The following PRKCH variants were observed in gnomAD, a reference collection of about 807,000 sequenced individuals.
PRKCH encodes protein kinase C eta type.
A neutral mutation model predicts 82.5 loss-of-function variants in PRKCH; 28 were observed. That is an observed-to-expected ratio of 0.34 (90% CI 0.25 to 0.47). The LOEUF (loss-of-function observed/expected upper bound fraction) is 0.47. Among genes scored for constraint, PRKCH ranks in the 20% least tolerant of loss-of-function variants. PRKCH has a pLI of 1.00. For synonymous variants in PRKCH, 322 were observed against 327.4 expected (o/e 0.98, Z 0.18); for missense variants, 705 against 881.8 (o/e 0.80, Z 2.54).
At chr14:61,470,335 G>T (rs1329765957) in intron 9 of PRKCH, among the ~76,000 whole-genome samples, 1 of 64,904 alleles carries the variant, frequency 1.5e-5, no homozygotes, top group African/African-American at 1.3e-4. Flanking sequence ...CCACTTGCAC[G>T]ATCTTTCTCA....
intron 10 of PRKCH, chr14:61,528,102 A>ATGTGTGTG (rs992355553): frequency 6.8e-6 from 1 of 146,504 alleles, no homozygotes; most frequent in African/African-American, 2.5e-5. Context: ...TATCCTGTCC[A>ATGTGTGTG]TGTGTGTGTG....
At chr14:61,249,444 C>T (rs961543156) in intron 1 of PRKCH, among the ~76,000 whole-genome samples, 22 of 147,440 alleles carry the variant, frequency 1.5e-4, no homozygotes, top group African/African-American at 5.5e-4. Context: ...CTTAAAAAAA[C>T]ATTGGAGTCA....
At chr14:61,289,014 G>A (rs1041359194) in intron 1 of PRKCH, among the ~76,000 whole-genome samples, 1 of 152,136 alleles carries the variant, frequency 6.6e-6, no homozygotes, top group Non-Finnish European at 1.5e-5. Flanking sequence ...GCTCAGGCAG[G>A]CCATCTTCAG....
intron 1 of PRKCH, among the ~76,000 whole-genome samples, chr14:61,237,523 G>T (rs1232963786): frequency 6.6e-6 from 1 of 152,098 alleles, no homozygotes; most frequent in Non-Finnish European, 1.5e-5. Flanking sequence ...TATTCTCTCT[G>T]AATCCTGTTA....
chr14:61,205,258 C>G (rs1027447302), intron 1 of PRKCH, among the ~76,000 whole-genome samples: 1 of 152,156 alleles, frequency 6.6e-6, no homozygotes, highest in African/African-American at 2.4e-5. Flanking sequence ...TTTAAAGAGC[C>G]CATGGGTTTC....
At chr14:61,474,151 A>G (rs746185112) in intron 9 of PRKCH, among the ~76,000 whole-genome samples, 7 of 152,202 alleles carry the variant, frequency 4.6e-5, no homozygotes, top group Non-Finnish European at 8.8e-5. Flanking sequence ...AAGTGCTGAG[A>G]TGAAGTCAGT....
intron 1 of PRKCH, among the ~76,000 whole-genome samples, chr14:61,310,510 G>C (rs1472260635): frequency 6.6e-6 from 1 of 152,232 alleles, no homozygotes; most frequent in South Asian, 2.1e-4. Flanking sequence ...CTGATACAAA[G>C]AGTGGGCTCC....
At chr14:61,327,157 C>T (rs1346630672) in intron 1 of PRKCH, 1 of 454,966 alleles carries the variant, frequency 2.2e-6, no homozygotes, top group Non-Finnish European at 4.4e-6. Flanking sequence ...CCTGGAGGGC[C>T]TCTTTCTCTC....
Position 61,542,147 on chromosome 14 carries a change from G to A in PRKCH, c.1762-5596G>A, listed in dbSNP as rs556616973. 7.9e-5 allele frequency among the ~76,000 whole-genome samples: 12 copies of A among 152,048 alleles called. No homozygotes were observed. The South Asian group carries it at 8.3e-4, about 11-fold the overall frequency. ...TCTACTAAAAATACAAAAATTAGTC[G>A]GGCGTGGTGGTGCACACCTGTAATC... is the stretch of plus-strand genomic sequence containing the variant. On this transcript the variant is annotated intron_variant, in intron 12 of 13. Coordinates refer to ENST00000332981, the MANE Select transcript of PRKCH (RefSeq NM_006255.5).
chr14:61,388,803 A>C (rs17098290), intron 1 of PRKCH, among the ~76,000 whole-genome samples: 4,682 of 152,266 alleles, frequency 0.031, 204 homozygotes, highest in African/African-American at 0.1. Flanking sequence ...GGATATTGTT[A>C]ACAGTAGTCA....
intron 1 of PRKCH, among the ~76,000 whole-genome samples, chr14:61,352,713 A>AGAAAGAAAG (rs1049557977): frequency 6.6e-6 from 1 of 151,682 alleles, no homozygotes; most frequent in African/African-American, 2.4e-5. Flanking sequence ...AAAGAAAGAA[A>AGAAAGAAAG]GAAAGAAAGA....
rs944122859 is a variant in PRKCH at position 61,426,130 on chromosome 14, T to C, written c.428-16981T>C. ...TGAGAACAGACTAATACAATAACCATGTTCTCTTCTTTCTGGAGATCTCCA... is the reference window on the plus strand; with the variant it reads ...TGAGAACAGACTAATACAATAACCACGTTCTCTTCTTTCTGGAGATCTCCA... On this transcript the variant is annotated intron_variant, in intron 2 of 13. Coordinates refer to ENST00000332981, the MANE Select transcript of PRKCH (RefSeq NM_006255.5). Among the ~76,000 whole-genome samples, 14 of 152,322 alleles carry C rather than the reference T, an allele frequency of 9.2e-5. 2 individuals are homozygous for C. Among genetic ancestry groups the C allele is most frequent in the Admixed American group, 2.0e-4 (3 of 15,300 alleles).
At chr14:61,408,247 T>C (rs1179801223) in intron 2 of PRKCH, among the ~76,000 whole-genome samples, 2 of 152,210 alleles carry the variant, frequency 1.3e-5, no homozygotes, top group Non-Finnish European at 2.9e-5. Flanking sequence ...GTACAGAGTC[T>C]CACTGCTTTG....
At chr14:61,510,469 G>T (rs1887329671) in intron 10 of PRKCH, among the ~76,000 whole-genome samples, 1 of 152,048 alleles carries the variant, frequency 6.6e-6, no homozygotes, top group Non-Finnish European at 1.5e-5. Flanking sequence ...TGATGATGTG[G>T]TTGGGGGACC....
chr14:61,461,057 T>A (rs1885006767), intron 9 of PRKCH, among the ~76,000 whole-genome samples: 1 of 152,110 alleles, frequency 6.6e-6, no homozygotes, highest in Non-Finnish European at 1.5e-5. Flanking sequence ...AGCTAATGGC[T>A]TCGTGGGCCT....
At position 61,547,785 on chromosome 14, in the gene PRKCH, CAG is replaced by C; in HGVS notation, c.1805_1806del (p.Gln602ArgfsTer13). 1 of 1,614,232 alleles carries C rather than the reference CAG, an allele frequency of 6.2e-7. No individual in the cohort carries two copies. Among genetic ancestry groups the C allele is most frequent in the Non-Finnish European group, 8.5e-7 (1 of 1,180,036 alleles). On this transcript the variant is annotated frameshift_variant, in exon 13 of 14. Coordinates refer to ENST00000332981, the MANE Select transcript of PRKCH (RefSeq NM_006255.5). LOFTEE classifies it high-confidence loss of function. ...CACCATGCGCTTGGGCAGCCTGACT[CAG>C]GGAGGCGAGCACGCCATCTTGAGAC... ...NPTMRLGSLT[Q>X]GGEHAILRHP...
rs554977424 is a variant in PRKCH at position 61,540,496 on chromosome 14, G to T, written c.1762-7247G>T. ...ATCCTGACTGTAGCACTCCCAAACT[G>T]TGTGACAGGTTACAGATGGGTCTGT... On this transcript the variant is annotated intron_variant, in intron 12 of 13. Transcript: ENST00000332981. Among the ~76,000 whole-genome samples, 196 of 152,276 alleles carry T rather than the reference G, an allele frequency of 1.3e-3. 4 individuals carry two copies. In the South Asian group the frequency reaches 0.037, roughly 29 times the overall value.
At chr14:61,462,763 G>C (rs565090979) in intron 9 of PRKCH, among the ~76,000 whole-genome samples, 1 of 152,084 alleles carries the variant, frequency 6.6e-6, no homozygotes, top group South Asian at 2.1e-4. Context: ...GGAGTGAGAG[G>C]GGGTGTTGGA....
intron 1 of PRKCH, among the ~76,000 whole-genome samples, chr14:61,291,323 C>CTTTTTTTT (rs533117559): frequency 3.1e-5 from 3 of 96,688 alleles, no homozygotes; most frequent in East Asian, 3.4e-4. Flanking sequence ...CCCTCTGGTT[C>CTTTTTTTT]TTTTTTTTTT....
Sources: gnomAD v4.1 joint callset for allele counts (sites outside exome capture counted in the v4.1 genomes callset) on GRCh38, gnomAD v4.1.1 for gene constraint, MANE v1.5 for transcripts, NCBI Gene and HGNC (gene_info 2026-07-23, HGNC 2026-07-21) for gene names.